XPNPEP3: variants seen among roughly 807,000 people sequenced by gnomAD.
XPNPEP3 encodes the protein X-prolyl aminopeptidase 3.
A neutral mutation model predicts 60.0 loss-of-function variants in XPNPEP3; 41 were observed. That is an observed-to-expected ratio of 0.68 (90% confidence interval 0.53 to 0.89). XPNPEP3 has a LOEUF of 0.89. Among genes scored for constraint, XPNPEP3 ranks in the 40% least tolerant of loss-of-function variants. The pLI, the probability that XPNPEP3 is intolerant of heterozygous loss-of-function variation, is 0.00. For synonymous variants in XPNPEP3, 212 were observed against 223.2 expected (o/e 0.95, Z 0.45); for missense variants, 598 against 638.9 (o/e 0.94, Z 0.69).
chr22:40,910,474 G>A (rs911068886), intron 6 of XPNPEP3, among the ~76,000 whole-genome samples: 1 of 152,034 alleles, frequency 6.6e-6, no homozygotes, highest in Non-Finnish European at 1.5e-5. Context: ...GGAGGTCAAG[G>A]TGGGCAGATC....
intron 2 of XPNPEP3, among the ~76,000 whole-genome samples, chr22:40,877,054 G>A (rs1314181048): frequency 6.6e-6 from 1 of 152,072 alleles, no homozygotes; most frequent in East Asian, 1.9e-4. Context: ...CACTCTTTTG[G>A]TTTCTGTCAT....
At chr22:40,882,264 A>G in intron 3 of XPNPEP3, 87 bp downstream of exon 3, 1 of 1,422,952 alleles carries the variant, frequency 7.0e-7, no homozygotes, top group Non-Finnish European at 9.8e-7. Context: ...TAATTTTGTT[A>G]TCGTAGCACC....
chr22:40,907,568 T>G lies in XPNPEP3; in HGVS notation c.793-19T>G, dbSNP rs780504129. On this transcript the variant is annotated intron_variant, in intron 4 of 9. Transcript: ENST00000357137. Reference sequence around the variant, plus strand: ...ATAGAATGAGATCGTGTTCTTTTCATCCTCCTTTCTCTTTGCAGGCTTTCA... The same window carrying G: ...ATAGAATGAGATCGTGTTCTTTTCAGCCTCCTTTCTCTTTGCAGGCTTTCA... 9.9e-6 allele frequency: 16 copies of G among 1,611,382 alleles called. No homozygotes were observed. In the Admixed American group the frequency reaches 2.5e-4, roughly 25 times the overall value.
At chr22:40,881,456 CAAA>C (rs371356285) in intron 2 of XPNPEP3, among the ~76,000 whole-genome samples, 3 of 120,098 alleles carry the variant, frequency 2.5e-5, no homozygotes, top group Admixed American at 8.9e-5. Flanking sequence ...AACTCTGTCT[CAAA>C]AAAAAAAAAA....
At chr22:40,901,807 G>A (rs570131708) in intron 4 of XPNPEP3, among the ~76,000 whole-genome samples, 27 of 152,228 alleles carry the variant, frequency 1.8e-4, no homozygotes, top group Non-Finnish European at 2.5e-4. Flanking sequence ...AGGTAAACCC[G>A]TAGAGACAAA....
chr22:40,882,277 C>A, intron 3 of XPNPEP3, 100 bp downstream of exon 3: 1 of 1,270,920 alleles, frequency 7.9e-7, no homozygotes. Context: ...GTAGCACCAC[C>A]ATGAAAAGAC....
At chr22:40,860,978 G>A in intron 1 of XPNPEP3, 1 of 1,266,164 alleles carries the variant, frequency 7.9e-7, no homozygotes, top group Non-Finnish European at 1.1e-6. Context: ...AAAGCTCTTA[G>A]TATAGTATTA....
At chr22:40,897,478 T>G (rs2058113366) in intron 4 of XPNPEP3, among the ~76,000 whole-genome samples, 1 of 151,922 alleles carries the variant, frequency 6.6e-6, no homozygotes, top group South Asian at 2.1e-4. Context: ...GTAGAATTGT[T>G]AGATCTGTGG....
chr22:40,878,419 G>C (rs921655415), intron 2 of XPNPEP3, among the ~76,000 whole-genome samples: 7 of 151,924 alleles, frequency 4.6e-5, no homozygotes, highest in Admixed American at 2.0e-4. Flanking sequence ...ATAAAAGATG[G>C]TTTTTTTGAT....
Position 40,926,713 on chromosome 22 carries a change from A to C in XPNPEP3, c.*278A>C. ...AGAGCAAGTTTAATTTTTAAACATA[A>C]AGGTCTTGGTTACACATGTCCATGC... is the stretch of plus-strand genomic sequence containing the variant. On this transcript the variant is annotated 3_prime_UTR_variant, in exon 10 of 10. Coordinates refer to ENST00000357137, the MANE Select transcript of XPNPEP3 (RefSeq NM_022098.4). 1 of 464,594 alleles carries C rather than the reference A, an allele frequency of 2.2e-6. No individual in the cohort carries two copies. Among genetic ancestry groups the C allele is most frequent in the Non-Finnish European group, 4.0e-6 (1 of 252,892 alleles). 28.8% of individuals were successfully genotyped at this position (464,594 alleles called of 1,614,324 possible).
intron 1 of XPNPEP3, 92 bp from the exon 2 acceptor site, chr22:40,868,907 A>G: frequency 1.0e-6 from 1 of 1,002,156 alleles, no homozygotes; most frequent in Non-Finnish European, 1.6e-6. Context: ...GCATTTTTCT[A>G]AAGCATCTAA....
rs1379348165 is a variant in XPNPEP3, at chr22:40,876,067, G to T, written c.182-5703G>T. 2.0e-5 allele frequency among the ~76,000 whole-genome samples: 3 copies of T among 151,978 alleles called. 1 individual carries two copies. The highest frequency in any genetic ancestry group is 4.1e-4 in the South Asian group (2 of 4,832). On this transcript the variant is annotated intron_variant, in intron 2 of 9. Transcript: ENST00000357137. ...ATTTGTATTTCTCTTTTTTACCTTT[G>T]TGTGTAGTCCTCATTGACACTGAGA... is the stretch of plus-strand genomic sequence containing the variant.
In XPNPEP3 at chr22:40,909,097, C is replaced by T. The variant is rs139530378; in HGVS notation, c.856-25C>T. 1.6e-5 allele frequency: 25 copies of T among 1,608,538 alleles called. No homozygotes were observed. In the East Asian group the frequency reaches 2.2e-4, roughly 14 times the overall value. ...GGGCAGCCCTACAGAAACCCTTTGT[C>T]ATACCTTGCTGTTGTTTTTCACAGT... is the stretch of plus-strand genomic sequence containing the variant. On this transcript the variant is annotated intron_variant, in intron 5 of 9. Coordinates refer to ENST00000357137, the MANE Select transcript of XPNPEP3 (RefSeq NM_022098.4).
chr22:40,870,435 A>C (rs776052255), intron 2 of XPNPEP3: 1 of 158,402 alleles, frequency 6.3e-6, no homozygotes, highest in African/African-American at 2.4e-5. Context: ...ATGTTCACAT[A>C]CATATGTATG....
chr22:40,857,709 C>A (rs2057910847), intron 1 of XPNPEP3, among the ~76,000 whole-genome samples: 1 of 152,236 alleles, frequency 6.6e-6, no homozygotes, highest in African/African-American at 2.4e-5. Context: ...TCTGAAAGTC[C>A]TGTTTGCAAA....
chr22:40,874,677 T>C (rs972606644), intron 2 of XPNPEP3, among the ~76,000 whole-genome samples: 2 of 152,150 alleles, frequency 1.3e-5, no homozygotes, highest in Non-Finnish European at 2.9e-5. Context: ...TCTACCACCT[T>C]GGCCCCCCAA....
intron 1 of XPNPEP3, among the ~76,000 whole-genome samples, chr22:40,864,247 C>T (rs2057966220): frequency 6.6e-6 from 1 of 152,130 alleles, no homozygotes; most frequent in Admixed American, 6.6e-5. Flanking sequence ...CATCTGTAAA[C>T]TCTTGGGGTG....
chr22:40,926,129 C>A (rs1186235825), intron 9 of XPNPEP3, 140 bp from the exon 10 acceptor site: 4 of 859,224 alleles, frequency 4.7e-6, no homozygotes, highest in South Asian at 4.2e-5. Flanking sequence ...CTCATTTAAT[C>A]CTCACAGCTT....
At chr22:40,881,043 A>G (rs2058045886) in intron 2 of XPNPEP3, among the ~76,000 whole-genome samples, 1 of 151,986 alleles carries the variant, frequency 6.6e-6, no homozygotes, top group Non-Finnish European at 1.5e-5. Flanking sequence ...CTTGAATTAT[A>G]TACTTTATTA....
Sources: allele counts gnomAD v4.1 joint callset (sites outside exome capture counted in the v4.1 genomes callset), GRCh38; gene constraint gnomAD v4.1.1; transcripts MANE v1.5; gene names NCBI Gene and HGNC (gene_info 2026-07-23, HGNC 2026-07-21).